The following FOXP1 variants were observed in gnomAD, a reference collection of about 807,000 sequenced individuals.
The protein encoded by FOXP1 is forkhead box P1.
A neutral mutation model predicts 98.2 loss-of-function variants in FOXP1; 15 were observed. The ratio of observed to expected loss-of-function variants is 0.15; its 90% confidence interval spans 0.10 to 0.24. FOXP1 has a LOEUF of 0.24. Ranked by LOEUF, FOXP1 falls within the 10% of genes least tolerant of loss-of-function variation. The pLI, the probability that FOXP1 is intolerant of heterozygous loss-of-function variation, is 1.00. For missense variants in FOXP1, 633 were observed against 848.5 expected (o/e 0.75, Z 3.15); for synonymous variants, 371 against 314.5 (o/e 1.18, Z -1.90).
intron 5 of FOXP1, among the ~76,000 whole-genome samples, chr3:71,199,349 C>A (rs982891493): frequency 3.3e-5 from 5 of 152,016 alleles, no homozygotes; most frequent in Admixed American, 2.0e-4. Flanking sequence ...AGGTGATGCA[C>A]CCGTCTCGGC....
chr3:70,986,498 T>G (rs1345670274), intron 14 of FOXP1, among the ~76,000 whole-genome samples: 1 of 152,234 alleles, frequency 6.6e-6, no homozygotes. Context: ...GAAAACCATT[T>G]CACTAAAGCC....
At chr3:71,222,719 A>G (rs1330363083) in intron 5 of FOXP1, among the ~76,000 whole-genome samples, 3 of 152,076 alleles carry the variant, frequency 2.0e-5, no homozygotes, top group Non-Finnish European at 4.4e-5. Context: ...GTCTTCCCCA[A>G]CCCATTCGCT....
At chr3:71,448,031 C>T (rs2086607432) in intron 3 of FOXP1, among the ~76,000 whole-genome samples, 1 of 152,168 alleles carries the variant, frequency 6.6e-6, no homozygotes, top group South Asian at 2.1e-4. Context: ...TCAGATAGTG[C>T]CAGGCCTCAT....
intron 4 of FOXP1, among the ~76,000 whole-genome samples, chr3:71,336,960 C>A (rs1698916675): frequency 6.6e-6 from 1 of 152,112 alleles, no homozygotes; most frequent in African/African-American, 2.4e-5. Flanking sequence ...GGCCAGGGAT[C>A]TCTGAAAGGT....
intron 3 of FOXP1, among the ~76,000 whole-genome samples, chr3:71,373,650 G>A (rs574781400): frequency 6.6e-6 from 1 of 152,336 alleles, no homozygotes; most frequent in Non-Finnish European, 1.5e-5. Context: ...CTTCTTGTGT[G>A]GCTTTGGAAA....
chr3:71,421,810 C>T (rs2083674702), intron 3 of FOXP1, among the ~76,000 whole-genome samples: 1 of 152,192 alleles, frequency 6.6e-6, no homozygotes, highest in Non-Finnish European at 1.5e-5. Context: ...TCACCACCTA[C>T]CATAATTCTC....
chr3:71,550,564 T>C (rs911215206), intron 2 of FOXP1, among the ~76,000 whole-genome samples: 37 of 152,300 alleles, frequency 2.4e-4, no homozygotes, highest in African/African-American at 8.9e-4. Flanking sequence ...AGCAAAGCCA[T>C]GGAAGCATGT....
upstream of FOXP1, chr3:71,583,833 C>CG: frequency 4.1e-6 from 4 of 987,426 alleles, no homozygotes; most frequent in Non-Finnish European, 4.8e-6. Context: ...GGCAGAGGCG[C>CG]GGGCAGCACC....
chr3:71,042,613 C>T (rs1023927254), intron 10 of FOXP1, among the ~76,000 whole-genome samples: 2 of 152,160 alleles, frequency 1.3e-5, no homozygotes, highest in African/African-American at 2.4e-5. Context: ...TAGAAGTGGA[C>T]GTCTGGATTG....
At chr3:71,116,909 G>C (rs1268693644) in intron 6 of FOXP1, among the ~76,000 whole-genome samples, 2 of 152,176 alleles carry the variant, frequency 1.3e-5, no homozygotes, top group Non-Finnish European at 2.9e-5. Context: ...ATAATGTTCA[G>C]TGTTGATCAG....
At chr3:70,960,454 C>G (rs772223914) in intron 20 of FOXP1, among the ~76,000 whole-genome samples, 23 of 152,140 alleles carry the variant, frequency 1.5e-4, no homozygotes, top group African/African-American at 3.6e-4. Flanking sequence ...CAAAACCGCT[C>G]GGATAACTAT....
intron 5 of FOXP1, among the ~76,000 whole-genome samples, chr3:71,267,122 A>AGTGT (rs1311552298): frequency 1.4e-5 from 1 of 69,370 alleles, no homozygotes; most frequent in African/African-American, 6.0e-5. Flanking sequence ...TTTATGGGAG[A>AGTGT]GAGTGTGTGT....
intron 4 of FOXP1, among the ~76,000 whole-genome samples, chr3:71,300,472 A>T (rs905077280): frequency 4.6e-5 from 7 of 152,178 alleles, no homozygotes; most frequent in Admixed American, 4.6e-4. Context: ...AAGTTAAATT[A>T]AAAAGGGTTC....
At chr3:71,526,164 ACAAG>A (rs2043366236) in intron 2 of FOXP1, among the ~76,000 whole-genome samples, 1 of 151,010 alleles carries the variant, frequency 6.6e-6, no homozygotes, top group Admixed American at 6.6e-5. Context: ...AAACAAACAA[ACAAG>A]AGTACCGGTG....
intron 9 of FOXP1, among the ~76,000 whole-genome samples, chr3:71,048,954 G>A (rs993983837): frequency 6.6e-6 from 1 of 152,038 alleles, no homozygotes; most frequent in Non-Finnish European, 1.5e-5. Context: ...AGCTGTCTAC[G>A]TTTGAAAAGC....
intron 4 of FOXP1, chr3:71,332,709 G>C (rs2076412846): frequency 6.6e-6 from 1 of 152,382 alleles, no homozygotes; most frequent in African/African-American, 2.4e-5. Flanking sequence ...CTGCACTCCA[G>C]CCTGGGCAAC....
chr3:71,163,344 C>T (rs1306974984), intron 6 of FOXP1, among the ~76,000 whole-genome samples: 5 of 152,084 alleles, frequency 3.3e-5, no homozygotes, highest in Non-Finnish European at 4.4e-5. Context: ...ACTTAGAGAG[C>T]GGGATTTTAT....
intron 7 of FOXP1, among the ~76,000 whole-genome samples, chr3:71,059,350 A>G (rs543715924): frequency 6.6e-6 from 1 of 152,290 alleles, no homozygotes; most frequent in South Asian, 2.1e-4. Flanking sequence ...ATTTGTTTAC[A>G]GCAGAGGTAT....
chr3:71,382,846 C>CGGCATCTTCTAATCCTTGGAT (rs2080282563), intron 3 of FOXP1, among the ~76,000 whole-genome samples: 3 of 152,162 alleles, frequency 2.0e-5, no homozygotes, highest in East Asian at 1.9e-4. Flanking sequence ...AATCCTTTGA[C>CGGCATCTTCTAATCCTTGGAT]GGCATCTTCT....
Sources: allele counts gnomAD v4.1 joint callset (sites outside exome capture counted in the v4.1 genomes callset), GRCh38; gene constraint gnomAD v4.1.1; transcripts MANE v1.5; gene names NCBI Gene and HGNC (gene_info 2026-07-23, HGNC 2026-07-21).